Variants in MKLN1 observed in about 807,000 individuals in gnomAD.
The protein encoded by MKLN1 is muskelin.
Under a neutral mutation model 99.0 loss-of-function variants are expected in MKLN1, and 18 were observed. The observed-to-expected ratio is 0.18, with a 90% CI of 0.13 to 0.27. MKLN1 has a LOEUF of 0.27. Ranked by LOEUF, MKLN1 falls within the 10% of genes least tolerant of loss-of-function variation. The pLI, the probability that MKLN1 is intolerant of heterozygous loss-of-function variation, is 1.00. For missense variants in MKLN1, 621 were observed against 875.9 expected, an observed-to-expected ratio of 0.71 and a Z score of 3.67; for synonymous variants, 288 against 293.2, an observed-to-expected ratio of 0.98 and a Z score of 0.18.
rs370868505 is a variant in MKLN1 at position 131,404,498 on chromosome 7, G to A, written c.703+5065G>A. ...CCTGGCTAATTTTTAAAAATGTGGA[G>A]ATGGGGTCTCGCCATGTTACCCAGA... On this transcript the variant is annotated intron_variant, in intron 6 of 17. Coordinates refer to ENST00000352689, the MANE Select transcript of MKLN1 (RefSeq NM_013255.5). Among the ~76,000 whole-genome samples, 308 of 152,192 alleles carry A rather than the reference G, an allele frequency of 2.0e-3. 12 individuals are homozygous for A. In the South Asian group the frequency reaches 0.062, roughly 31 times the overall value.
intron 2 of MKLN1, among the ~76,000 whole-genome samples, chr7:131,159,141 C>T (rs1484734063): frequency 2.0e-5 from 3 of 151,950 alleles, no homozygotes; most frequent in Non-Finnish European, 2.9e-5. Flanking sequence ...TGCAGTAAGC[C>T]GAGATCGTGC....
intron 3 of MKLN1, among the ~76,000 whole-genome samples, chr7:131,255,154 G>C (rs1251342784): frequency 3.3e-5 from 5 of 152,048 alleles, no homozygotes; most frequent in Non-Finnish European, 5.9e-5. Flanking sequence ...TGTTTCCCAG[G>C]TGGTCTCAAA....
chr7:131,354,395 G>C (rs188186570), intron 1 of MKLN1, among the ~76,000 whole-genome samples: 202 of 151,400 alleles, frequency 1.3e-3, no homozygotes, highest in Admixed American at 3.8e-3. Context: ...ACTGTAAATT[G>C]TTTTGTGCTT....
chr7:131,250,554 G>GTGAGTA (rs1321657709), intron 3 of MKLN1, among the ~76,000 whole-genome samples: 1 of 152,196 alleles, frequency 6.6e-6, no homozygotes, highest in African/African-American at 2.4e-5. Context: ...GCAGGAGGGA[G>GTGAGTA]TGAGTAGGAG....
At chr7:131,208,531 C>T (rs562887914) in intron 3 of MKLN1, among the ~76,000 whole-genome samples, 2 of 152,122 alleles carry the variant, frequency 1.3e-5, no homozygotes, top group South Asian at 2.1e-4. Flanking sequence ...GGAGGTTGGT[C>T]GAGGCTGCAG....
At chr7:131,410,399 A>G (rs931559227) in intron 6 of MKLN1, among the ~76,000 whole-genome samples, 1 of 152,126 alleles carries the variant, frequency 6.6e-6, no homozygotes, top group Non-Finnish European at 1.5e-5. Context: ...ATGAGATGAG[A>G]CAGCATAAAT....
At chr7:131,365,395 T>C (rs1584655543) in intron 1 of MKLN1, among the ~76,000 whole-genome samples, 1 of 152,178 alleles carries the variant, frequency 6.6e-6, no homozygotes, top group African/African-American at 2.4e-5. Context: ...ATTCTGTAGG[T>C]TGTCTGTTTA....
chr7:131,170,419 G>C (rs1268534977), intron 2 of MKLN1, among the ~76,000 whole-genome samples: 4 of 152,110 alleles, frequency 2.6e-5, no homozygotes, highest in Admixed American at 1.3e-4. Context: ...TTTTTTGAAG[G>C]AATTTCAAGT....
At chr7:131,438,113 T>C (rs1268460427) in intron 10 of MKLN1, 116 bp downstream of exon 10, 2 of 752,910 alleles carry the variant, frequency 2.7e-6, no homozygotes, top group African/African-American at 1.8e-5. Context: ...ATGACAAATA[T>C]CTATTGACAG....
chr7:131,246,734 A>C (rs1797495726), intron 3 of MKLN1, among the ~76,000 whole-genome samples: 1 of 151,888 alleles, frequency 6.6e-6, no homozygotes, highest in African/African-American at 2.4e-5. Context: ...TGCCCGCCTC[A>C]GCCTCCCAAA....
At chr7:131,378,011 G>T (rs1793715799) in intron 2 of MKLN1, among the ~76,000 whole-genome samples, 2 of 152,076 alleles carry the variant, frequency 1.3e-5, no homozygotes, top group Admixed American at 1.3e-4. Context: ...CAACATTTTT[G>T]CCAGAAAAGA....
At chr7:131,177,568 T>C (rs1287978433) in intron 2 of MKLN1, among the ~76,000 whole-genome samples, 1 of 152,180 alleles carries the variant, frequency 6.6e-6, no homozygotes, top group Non-Finnish European at 1.5e-5. Flanking sequence ...TATATGTGTA[T>C]ATAATAAGCC....
chr7:131,378,540 A>G (rs934458624), intron 2 of MKLN1, among the ~76,000 whole-genome samples: 9 of 152,204 alleles, frequency 5.9e-5, no homozygotes, highest in African/African-American at 1.9e-4. Flanking sequence ...AAAAATAGAT[A>G]TATCCACGGC....
chr7:131,234,048 T>C (rs1797280495), intron 3 of MKLN1, among the ~76,000 whole-genome samples: 1 of 152,184 alleles, frequency 6.6e-6, no homozygotes, highest in Non-Finnish European at 1.5e-5. Flanking sequence ...GGCATGATCT[T>C]GGCTCACTGC....
chr7:131,425,536 T>A (rs1230970831), intron 8 of MKLN1, among the ~76,000 whole-genome samples: 2 of 152,244 alleles, frequency 1.3e-5, no homozygotes, highest in Non-Finnish European at 2.9e-5. Flanking sequence ...GACTGGGGAC[T>A]ATGTCTTCTT....
chr7:131,375,078 C>T (rs1054681480), intron 1 of MKLN1, among the ~76,000 whole-genome samples: 7 of 151,958 alleles, frequency 4.6e-5, no homozygotes, highest in African/African-American at 1.7e-4. Context: ...AGGTTACAGA[C>T]GTGTGCCACT....
At chr7:131,316,563 C>T (rs1250698898) in intron 3 of MKLN1, among the ~76,000 whole-genome samples, 2 of 152,134 alleles carry the variant, frequency 1.3e-5, no homozygotes, top group African/African-American at 4.8e-5. Context: ...CAAATGATCG[C>T]AACTCCTCTC....
At chr7:131,262,639 C>T (rs1471578346) in intron 3 of MKLN1, among the ~76,000 whole-genome samples, 5 of 152,062 alleles carry the variant, frequency 3.3e-5, no homozygotes, top group Admixed American at 2.0e-4. Context: ...CAACCTCCAC[C>T]TCCTGGGTTC....
In MKLN1 at chr7:131,415,567, C is replaced by T. The variant is rs139890549; in HGVS notation, c.847+857C>T. Among the ~76,000 whole-genome samples the T allele has an allele frequency of 5.5e-4, 83 of 152,120 alleles. No homozygotes were observed. The East Asian group carries it at 9.3e-3, about 17-fold the overall frequency. ...ATTAAAAGCTAAATTTCTATGATAA[C>T]CTCTGAACTGGTTTGAGACTGTTAT... On this transcript the variant is annotated intron_variant, in intron 8 of 17. Transcript: ENST00000352689.
Sources: allele counts gnomAD v4.1 joint callset (sites outside exome capture counted in the v4.1 genomes callset), GRCh38; gene constraint gnomAD v4.1.1; transcripts MANE v1.5; gene names NCBI Gene and HGNC (gene_info 2026-07-23, HGNC 2026-07-21).